RIMS2: variants seen among roughly 807,000 people sequenced by gnomAD.
RIMS2 encodes regulating synaptic membrane exocytosis 2.
In RIMS2, 59 loss-of-function variants were observed where a neutral mutation model predicts 174.4. The ratio of observed to expected loss-of-function variants is 0.34; its 90% CI spans 0.27 to 0.42. RIMS2 has a LOEUF of 0.42. Ranked by LOEUF, RIMS2 falls within the 10% of genes least tolerant of loss-of-function variation. The pLI, the probability that RIMS2 is intolerant of heterozygous loss-of-function variation, is 1.00. For synonymous variants in RIMS2, 606 were observed against 572.5 expected, an observed-to-expected ratio of 1.06 and a Z score of -0.84; for missense variants, 1,620 against 1,666.3, an observed-to-expected ratio of 0.97 and a Z score of 0.48.
intron 3 of RIMS2, among the ~76,000 whole-genome samples, chr8:103,832,587 T>C (rs953317013): frequency 6.6e-6 from 1 of 152,180 alleles, no homozygotes; most frequent in African/African-American, 2.4e-5. Context: ...CCTCTATGTG[T>C]CCATGTGTTC....
intron 19 of RIMS2, 88 bp downstream of exon 23, chr8:104,068,700 A>G: frequency 1.4e-6 from 1 of 696,922 alleles, no homozygotes; most frequent in Non-Finnish European, 2.5e-6. Context: ...CAGATTAGTC[A>G]GACACAAACA....
At chr8:103,775,721 T>G (rs886211330) in intron 3 of RIMS2, among the ~76,000 whole-genome samples, 1 of 152,178 alleles carries the variant, frequency 6.6e-6, no homozygotes, top group African/African-American at 2.4e-5. Flanking sequence ...CAATGCTTAA[T>G]AGACTTCTAT....
At chr8:104,135,274 CA>C in intron 19 of RIMS2, among the ~76,000 whole-genome samples, 1 of 152,084 alleles carries the variant, frequency 6.6e-6, no homozygotes, top group South Asian at 2.1e-4. Flanking sequence ...TATAGTGGAG[CA>C]ACTGTGCTCT....
intron 17 of RIMS2, 74 bp from the exon 20 acceptor site, chr8:104,013,368 A>G (rs2095816379): frequency 8.6e-7 from 1 of 1,166,200 alleles, no homozygotes; most frequent in Admixed American, 2.4e-5. Context: ...TTTCAAAATC[A>G]GTTTGATGCA....
chr8:104,004,983 A>T (rs550573787), intron 17 of RIMS2, among the ~76,000 whole-genome samples: 2 of 152,348 alleles, frequency 1.3e-5, no homozygotes, highest in African/African-American at 4.8e-5. Flanking sequence ...TCAGATGATC[A>T]GTCATAGAGT....
chr8:103,847,222 G>T (rs1447178816), intron 3 of RIMS2, among the ~76,000 whole-genome samples: 1 of 152,076 alleles, frequency 6.6e-6, no homozygotes, highest in African/African-American at 2.4e-5. Context: ...GTAATGGTTA[G>T]TGGTGCCACT....
chr8:103,723,643 AGTCTGT>A (rs1305111728), intron 2 of RIMS2, among the ~76,000 whole-genome samples: 1 of 152,116 alleles, frequency 6.6e-6, no homozygotes, highest in Non-Finnish European at 1.5e-5. Flanking sequence ...GCTGGCATGG[AGTCTGT>A]GTCCACAGGT....
intron 1 of RIMS2, among the ~76,000 whole-genome samples, chr8:103,509,708 A>G (rs1418261162): frequency 6.6e-6 from 1 of 152,086 alleles, no homozygotes; most frequent in Admixed American, 6.6e-5. Context: ...GAAAGGGGAA[A>G]GTTAAGAAAA....
intron 14 of RIMS2, among the ~76,000 whole-genome samples, chr8:103,954,122 C>T (rs960352275): frequency 6.6e-6 from 1 of 152,154 alleles, no homozygotes. Context: ...TAGAGACCTA[C>T]AAAGAGACTT....
chr8:104,016,224 T>A (rs1473594100), intron 19 of RIMS2, among the ~76,000 whole-genome samples: 1 of 152,032 alleles, frequency 6.6e-6, no homozygotes, highest in African/African-American at 2.4e-5. Context: ...CTTTGTTGAA[T>A]GAATTCATGA....
At chr8:104,175,263 A>C (rs1478697682) in intron 19 of RIMS2, among the ~76,000 whole-genome samples, 1 of 151,772 alleles carries the variant, frequency 6.6e-6, no homozygotes, top group Non-Finnish European at 1.5e-5. Context: ...CAGGATCTTT[A>C]CTTTCTTTCT....
intron 19 of RIMS2, among the ~76,000 whole-genome samples, chr8:104,178,706 G>T (rs1485512500): frequency 6.6e-6 from 1 of 151,970 alleles, no homozygotes; most frequent in African/African-American, 2.4e-5. Context: ...TCTACATTTT[G>T]TTGTTGCTGT....
At chr8:103,552,126 A>C (rs1848236671) in intron 1 of RIMS2, among the ~76,000 whole-genome samples, 1 of 152,160 alleles carries the variant, frequency 6.6e-6, no homozygotes, top group Non-Finnish European at 1.5e-5. Context: ...AGAACCAAAA[A>C]AGATTCCATA....
chr8:103,583,321 A>G (rs2093721212), intron 1 of RIMS2, among the ~76,000 whole-genome samples: 1 of 152,128 alleles, frequency 6.6e-6, no homozygotes, highest in African/African-American at 2.4e-5. Context: ...GACGTCTACA[A>G]ATAAGCCTAG....
intron 19 of RIMS2, among the ~76,000 whole-genome samples, chr8:104,232,864 A>C (rs948707901): frequency 2.0e-5 from 3 of 147,336 alleles, no homozygotes; most frequent in Non-Finnish European, 4.4e-5. Flanking sequence ...CTATAGTTGA[A>C]GGATGGGATA....
chr8:103,502,441 T>C (rs1041129617), intron 1 of RIMS2, among the ~76,000 whole-genome samples: 16 of 152,282 alleles, frequency 1.1e-4, no homozygotes, highest in African/African-American at 3.8e-4. Flanking sequence ...AGAGCAAATA[T>C]GTTCCTGAAA....
downstream of RIMS2, chr8:104,253,737 G>T (rs1264057670): frequency 6.6e-6 from 1 of 152,032 alleles, no homozygotes; most frequent in Non-Finnish European, 1.5e-5. Context: ...TTAATTTTTT[G>T]CATTAATTTT....
chr8:103,844,650 T>G (rs2098958570), intron 3 of RIMS2, among the ~76,000 whole-genome samples: 1 of 152,236 alleles, frequency 6.6e-6, no homozygotes, highest in Admixed American at 6.5e-5. Flanking sequence ...TTGTAGTTTT[T>G]ATAAATGTTT....
At chr8:103,523,802 C>G (rs1376159927) in intron 1 of RIMS2, among the ~76,000 whole-genome samples, 1 of 151,852 alleles carries the variant, frequency 6.6e-6, no homozygotes, top group African/African-American at 2.4e-5. Flanking sequence ...GTTAGGCTAT[C>G]TTGACATTTT....
Sources: gnomAD v4.1 joint callset for allele counts (sites outside exome capture counted in the v4.1 genomes callset) on GRCh38, gnomAD v4.1.1 for gene constraint, MANE v1.5 for transcripts, NCBI Gene and HGNC (gene_info 2026-07-23, HGNC 2026-07-21) for gene names.